The following DLG2 variants were observed in gnomAD, a reference collection of about 807,000 sequenced individuals.
DLG2 encodes the protein discs large MAGUK scaffold protein 2.
Under a neutral mutation model 132.5 loss-of-function variants are expected in DLG2, and 45 were observed. The observed-to-expected ratio is 0.34, with a 90% CI of 0.27 to 0.44. DLG2 has a LOEUF of 0.44. DLG2 is among the 20% of genes least tolerant of loss of function. The pLI, the probability that DLG2 is intolerant of heterozygous loss-of-function variation, is 1.00. For missense variants in DLG2, 1,045 were observed against 1,196.9 expected (o/e 0.87, Z 1.87); for synonymous variants, 424 against 419.6 (o/e 1.01, Z -0.13).
chr11:84,777,095 T>C (rs993684508), intron 6 of DLG2, among the ~76,000 whole-genome samples: 2 of 151,596 alleles, frequency 1.3e-5, no homozygotes, highest in African/African-American at 4.8e-5. Context: ...ACTCTGTATG[T>C]CCGTATGTAC....
chr11:85,541,113 C>T (rs566379511), intron 3 of DLG2, among the ~76,000 whole-genome samples: 1 of 152,104 alleles, frequency 6.6e-6, no homozygotes, highest in African/African-American at 2.4e-5. Context: ...GTCCATAAGG[C>T]GGTCTTACAA....
chr11:84,923,209 A>G, intron 6 of DLG2: 2 of 1,596,460 alleles, frequency 1.3e-6, no homozygotes, highest in Non-Finnish European at 1.7e-6. Context: ...GCTACTAAAG[A>G]GCATCCGTTC....
chr11:83,555,409 A>C (rs1470901357), intron 19 of DLG2, among the ~76,000 whole-genome samples: 2 of 152,216 alleles, frequency 1.3e-5, no homozygotes, highest in African/African-American at 4.8e-5. Context: ...GGAGAACCAT[A>C]GATTGGGCAA....
chr11:84,905,022 T>C (rs1218767657), intron 6 of DLG2, among the ~76,000 whole-genome samples: 1 of 152,122 alleles, frequency 6.6e-6, no homozygotes, highest in Non-Finnish European at 1.5e-5. Context: ...ATTATAGGCG[T>C]GCACCACCAT....
chr11:83,824,922 T>C (rs1229952362), intron 17 of DLG2, among the ~76,000 whole-genome samples: 1 of 152,018 alleles, frequency 6.6e-6, no homozygotes, highest in Admixed American at 6.6e-5. Context: ...TGACATATAG[T>C]ATGTTTATGA....
chr11:83,803,389 T>A (rs1214439390), intron 17 of DLG2, among the ~76,000 whole-genome samples: 1 of 152,146 alleles, frequency 6.6e-6, no homozygotes, highest in Non-Finnish European at 1.5e-5. Flanking sequence ...GTGTGTTAAA[T>A]GTTTTGCAAA....
chr11:84,737,699 G>C (rs2153819336), intron 6 of DLG2, among the ~76,000 whole-genome samples: 1 of 152,106 alleles, frequency 6.6e-6, no homozygotes, highest in East Asian at 1.9e-4. Context: ...GGTGCTCTCA[G>C]TAGTGCAGGC....
intron 22 of DLG2, chr11:83,480,356 C>G: frequency 1.3e-6 from 2 of 1,534,152 alleles, no homozygotes; most frequent in Non-Finnish European, 1.7e-6. Context: ...AACCGCAAAC[C>G]AAAGCAGTAA....
At chr11:85,478,514 C>A (rs553241650) in intron 3 of DLG2, among the ~76,000 whole-genome samples, 1 of 152,250 alleles carries the variant, frequency 6.6e-6, no homozygotes, top group South Asian at 2.1e-4. Context: ...ATTATCTTTG[C>A]TTTATCTACA....
chr11:83,965,240 C>T, intron 13 of DLG2, 84 bp downstream of exon 13: 1 of 1,413,924 alleles, frequency 7.1e-7, no homozygotes, highest in Non-Finnish European at 9.6e-7. Flanking sequence ...AGGGAAGGTA[C>T]AAGTAGAACA....
At chr11:84,712,821 T>A (rs548632025) in intron 6 of DLG2, among the ~76,000 whole-genome samples, 1 of 152,154 alleles carries the variant, frequency 6.6e-6, no homozygotes, top group African/African-American at 2.4e-5. Flanking sequence ...TTCTCTTTTC[T>A]CACCTTGATT....
chr11:85,346,350 G>C (rs192800994), intron 3 of DLG2, among the ~76,000 whole-genome samples: 1 of 151,942 alleles, frequency 6.6e-6, no homozygotes, highest in East Asian at 1.9e-4. Context: ...ACCACGCCCA[G>C]CTAAATTTTT....
At chr11:83,469,463 G>C (rs2091700774) in intron 24 of DLG2, 90 bp from the exon 25 acceptor site, 2 of 961,914 alleles carry the variant, frequency 2.1e-6, no homozygotes, top group Non-Finnish European at 3.1e-6. Context: ...CCTCAACATT[G>C]ATATGTAGAA....
At chr11:84,828,231 T>G (rs1048220890) in intron 6 of DLG2, among the ~76,000 whole-genome samples, 2 of 151,774 alleles carry the variant, frequency 1.3e-5, no homozygotes, top group African/African-American at 4.8e-5. Context: ...AGGCTGGCTT[T>G]CATTGGAGCT....
chr11:84,830,690 T>C lies in DLG2; in HGVS notation c.357+280971A>G, dbSNP rs373155280. ...CAGGATGCTCTGACTGAAGCCTGCA[T>C]AAATGTAAAATGAGAGGAACTTGGT... On this transcript the variant is annotated intron_variant, in intron 6 of 27. Transcript: ENST00000376104. 2.7e-3 allele frequency among the ~76,000 whole-genome samples: 416 copies of C among 151,644 alleles called. 2 individuals carry two copies. Among genetic ancestry groups the C allele is most frequent in the African/African-American group, 9.7e-3 (400 of 41,450 alleles).
At chr11:85,562,981 T>C (rs61567739) in intron 3 of DLG2, among the ~76,000 whole-genome samples, 41,108 of 151,624 alleles carry the variant, frequency 0.27, 6,993 homozygotes, top group African/African-American at 0.43. Flanking sequence ...ATATATATTC[T>C]TTGGCTCACC....
At position 84,348,814 on chromosome 11, in the gene DLG2, G is replaced by T. The variant is rs373469642; in HGVS notation, c.520-97523C>A. 5.3e-5 allele frequency among the ~76,000 whole-genome samples: 8 copies of T among 152,228 alleles called. No homozygotes were observed. In the South Asian group the frequency reaches 1.7e-3, roughly 32 times the overall value. ...ACACACAGGGATATCACCATATGAA[G>T]ACAAAGAAACAGAGATTAAGATGAT... is the stretch of plus-strand genomic sequence containing the variant. On this transcript the variant is annotated intron_variant, in intron 7 of 27. Transcript: ENST00000376104.
chr11:83,970,802 G>T (rs2091188935), intron 12 of DLG2, among the ~76,000 whole-genome samples: 1 of 152,120 alleles, frequency 6.6e-6, no homozygotes, highest in Non-Finnish European at 1.5e-5. Flanking sequence ...GGATTTCTTG[G>T]TGAAAATTTT....
At chr11:85,585,714 A>AT (rs2078921945) in intron 3 of DLG2, among the ~76,000 whole-genome samples, 5 of 144,114 alleles carry the variant, frequency 3.5e-5, no homozygotes, top group African/African-American at 1.3e-4. Context: ...GATATATCAC[A>AT]GTTTTTTTTT....
Sources: gnomAD v4.1 joint callset for allele counts (sites outside exome capture counted in the v4.1 genomes callset) on GRCh38, gnomAD v4.1.1 for gene constraint, MANE v1.5 for transcripts, NCBI Gene and HGNC (gene_info 2026-07-23, HGNC 2026-07-21) for gene names.